SLF1: variants seen among roughly 807,000 people sequenced by gnomAD.
SLF1 encodes the protein SMC5/6 complex localization factor 1.
A neutral mutation model predicts 123.0 loss-of-function variants in SLF1; 105 were observed. The ratio of observed to expected loss-of-function variants is 0.85; its 90% CI spans 0.73 to 1.00. The LOEUF (loss-of-function observed/expected upper bound fraction) is 1.00. Among genes scored for constraint, SLF1 ranks in the 50% least tolerant of loss-of-function variants. SLF1 has a pLI of 0.00. For missense variants in SLF1, 1,239 were observed against 1,223.0 expected (o/e 1.01, Z -0.20); for synonymous variants, 434 against 406.6 (o/e 1.07, Z -0.81).
chr5:94,635,139 G>T (rs1470524775), intron 4 of SLF1, among the ~76,000 whole-genome samples: 7 of 151,870 alleles, frequency 4.6e-5, no homozygotes, highest in Admixed American at 4.6e-4. Context: ...TTTATCCCGT[G>T]TTTTTTTCTA....
chr5:94,620,387 G>A (rs951339662), intron 1 of SLF1, among the ~76,000 whole-genome samples: 9 of 152,178 alleles, frequency 5.9e-5, no homozygotes, highest in African/African-American at 2.2e-4. Context: ...TGGATCACGT[G>A]AAAGTCATTG....
At chr5:94,693,729 T>C (rs1044993633) in intron 20 of SLF1, among the ~76,000 whole-genome samples, 1 of 151,876 alleles carries the variant, frequency 6.6e-6, no homozygotes, top group Non-Finnish European at 1.5e-5. Flanking sequence ...TGTTTACTTT[T>C]GGTATCCTGT....
chr5:94,667,267 C>T (rs1032194307), intron 12 of SLF1, among the ~76,000 whole-genome samples: 28 of 152,014 alleles, frequency 1.8e-4, no homozygotes, highest in Admixed American at 1.1e-3. Context: ...TAAACAATAC[C>T]GCACAAAAGT....
intron 12 of SLF1, among the ~76,000 whole-genome samples, chr5:94,666,904 C>G (rs891345138): frequency 2.0e-5 from 3 of 150,390 alleles, no homozygotes; most frequent in South Asian, 2.1e-4. Context: ...CTTGGGCTCC[C>G]AAAGTCCTGG....
intron 15 of SLF1, among the ~76,000 whole-genome samples, chr5:94,680,022 A>G (rs1423497117): frequency 6.6e-5 from 10 of 152,162 alleles, no homozygotes; most frequent in African/African-American, 2.4e-4. Context: ...GTTCTTACCT[A>G]TAAAAGATTA....
In SLF1 at chr5:94,643,261, A is replaced by G; in HGVS notation, c.432-12A>G. The G allele has an allele frequency of 6.6e-7, 1 of 1,505,418 alleles. No homozygotes were observed. The highest frequency in any genetic ancestry group is 2.5e-5 in the East Asian group (1 of 40,300). 93.3% of individuals were successfully genotyped at this position (1,505,418 alleles called of 1,614,324 possible). A position where few individuals can be genotyped will look rare whatever the true frequency, so the allele number is the denominator to read the frequency against. On this transcript the variant is annotated splice_polypyrimidine_tract_variant and intron_variant, in intron 4 of 20. Transcript: ENST00000265140. ...TTTCTAATACTTTTATACCATTTACATTTTTATTTAGAGTTTTGGAGGCTG... is the reference window on the plus strand; with the variant it reads ...TTTCTAATACTTTTATACCATTTACGTTTTTATTTAGAGTTTTGGAGGCTG...
chr5:94,620,753 A>G (rs1212945868), intron 1 of SLF1, among the ~76,000 whole-genome samples: 1 of 152,206 alleles, frequency 6.6e-6, no homozygotes, highest in Non-Finnish European at 1.5e-5. Flanking sequence ...ATATATCTGT[A>G]TAATGTACTA....
intron 15 of SLF1, 145 bp downstream of exon 15, chr5:94,679,100 C>A: frequency 1.3e-6 from 1 of 798,116 alleles, no homozygotes. Context: ...TAGATTCACA[C>A]ACACAGACAA....
chr5:94,665,790 T>G, intron 11 of SLF1, 71 bp from the exon 12 acceptor site: 1 of 1,354,762 alleles, frequency 7.4e-7, no homozygotes, highest in Non-Finnish European at 1.0e-6. Context: ...GTTTTGGTTT[T>G]AGACTGAATT....
chr5:94,626,880 G>C (rs137900921), intron 1 of SLF1, among the ~76,000 whole-genome samples: 1 of 152,154 alleles, frequency 6.6e-6, no homozygotes, highest in Admixed American at 6.5e-5. Context: ...CAACGAAATG[G>C]GGAGTGATGA....
intron 14 of SLF1, among the ~76,000 whole-genome samples, chr5:94,674,778 G>A (rs1485390620): frequency 6.6e-6 from 1 of 152,180 alleles, no homozygotes. Flanking sequence ...GCTTTCCTTG[G>A]CAAAGAGCAG....
At chr5:94,693,167 A>C (rs1250387475) in intron 20 of SLF1, among the ~76,000 whole-genome samples, 1 of 152,110 alleles carries the variant, frequency 6.6e-6, no homozygotes, top group Non-Finnish European at 1.5e-5. Flanking sequence ...ATATGCATCT[A>C]AGGAAGGCTG....
Position 94,643,387 on chromosome 5 carries a change from T to G in SLF1, c.546T>G (p.Phe182Leu). Residue 182 changes from phenylalanine (F) to leucine (L), a missense_variant, in exon 5 of 21, where the codon TTT becomes TTG. By Grantham distance (22) the Phe-to-Leu change is conservative. Coordinates refer to ENST00000265140, the MANE Select transcript of SLF1 (RefSeq NM_032290.4). ...AAGCTGAGAAAGAAAAAGATAACTT[T>G]AAGGCTCCATTTTATCCAATTCAGT... ...RIKAEKEKDN[F>L]KAPFYPIQYL... 1 of 1,538,016 alleles carries G rather than the reference T, an allele frequency of 6.5e-7. No homozygotes were observed. The highest frequency in any genetic ancestry group is 8.8e-7 in the Non-Finnish European group (1 of 1,138,418).
chr5:94,646,343 A>G (rs751066065), intron 5 of SLF1, among the ~76,000 whole-genome samples: 1 of 152,142 alleles, frequency 6.6e-6, no homozygotes, highest in Non-Finnish European at 1.5e-5. Context: ...CTGGAAATCT[A>G]TGTATTTCAG....
At chr5:94,651,092 T>C (rs1747667162) in intron 6 of SLF1, among the ~76,000 whole-genome samples, 1 of 152,216 alleles carries the variant, frequency 6.6e-6, no homozygotes, top group Non-Finnish European at 1.5e-5. Flanking sequence ...ATCCTTTCTA[T>C]GTTTAGATAC....
At chr5:94,642,698 T>C (rs1746579722) in intron 4 of SLF1, among the ~76,000 whole-genome samples, 1 of 152,212 alleles carries the variant, frequency 6.6e-6, no homozygotes, top group Non-Finnish European at 1.5e-5. Context: ...TTTTGTGTTG[T>C]ATGTCTGTCT....
chr5:94,667,439 G>C (rs1749905053), intron 12 of SLF1, among the ~76,000 whole-genome samples: 1 of 152,136 alleles, frequency 6.6e-6, no homozygotes, highest in Non-Finnish European at 1.5e-5. Flanking sequence ...TGCAGTAGCT[G>C]CTTTATTGAT....
At chr5:94,657,629 A>G (rs533224776) in intron 9 of SLF1, among the ~76,000 whole-genome samples, 9 of 152,192 alleles carry the variant, frequency 5.9e-5, no homozygotes, top group African/African-American at 2.2e-4. Flanking sequence ...CAATGCTTAG[A>G]ATGGGGTATT....
At chr5:94,648,768 C>T (rs1056099907) in intron 5 of SLF1, among the ~76,000 whole-genome samples, 1 of 152,222 alleles carries the variant, frequency 6.6e-6, no homozygotes, top group African/African-American at 2.4e-5. Flanking sequence ...GCATGAGCCA[C>T]CGTGCCCAGC....
Sources: gnomAD v4.1 joint callset for allele counts (sites outside exome capture counted in the v4.1 genomes callset) on GRCh38, gnomAD v4.1.1 for gene constraint, MANE v1.5 for transcripts, NCBI Gene and HGNC (gene_info 2026-07-23, HGNC 2026-07-21) for gene names.